The following FRMD4A variants were observed in gnomAD, a reference collection of about 807,000 sequenced individuals.
FRMD4A encodes FERM domain containing 4A.
Under a neutral mutation model 129.1 loss-of-function variants are expected in FRMD4A, and 29 were observed. That is an observed-to-expected ratio of 0.22 (90% confidence interval 0.17 to 0.31). FRMD4A has a LOEUF of 0.31. FRMD4A is among the 10% of genes least tolerant of loss of function. The pLI is 1.00. For synonymous variants in FRMD4A, 634 were observed against 571.6 expected (o/e 1.11, Z -1.56); for missense variants, 1,272 against 1,375.8 (o/e 0.92, Z 1.19).
At chr10:13,909,049 T>G (rs1169436948) in intron 2 of FRMD4A, among the ~76,000 whole-genome samples, 1 of 152,226 alleles carries the variant, frequency 6.6e-6, no homozygotes, top group Non-Finnish European at 1.5e-5. Flanking sequence ...TTCACTCTCT[T>G]ATTGTTTTTT....
intron 14 of FRMD4A, among the ~76,000 whole-genome samples, chr10:13,697,439 C>A (rs911024064): frequency 6.6e-6 from 1 of 152,132 alleles, no homozygotes; most frequent in East Asian, 1.9e-4. Flanking sequence ...TGAGCCACTG[C>A]GCCCGGTCCG....
At chr10:13,873,243 TA>T (rs1176916852) in intron 2 of FRMD4A, among the ~76,000 whole-genome samples, 1 of 135,868 alleles carries the variant, frequency 7.4e-6, no homozygotes, top group East Asian at 2.1e-4. Flanking sequence ...AGACAGTTTT[TA>T]AAAGCCTAGA....
chr10:14,301,869 A>G (rs1846196382), intron 2 of FRMD4A, among the ~76,000 whole-genome samples: 1 of 152,150 alleles, frequency 6.6e-6, no homozygotes, highest in Non-Finnish European at 1.5e-5. Context: ...CCTGAAGAGT[A>G]GGCTGTATAA....
chr10:13,766,585 T>C (rs1312688842), intron 6 of FRMD4A, among the ~76,000 whole-genome samples: 1 of 152,222 alleles, frequency 6.6e-6, no homozygotes, highest in Non-Finnish European at 1.5e-5. Context: ...CAAAACGGTG[T>C]GGATAAGAAC....
At chr10:14,072,710 C>G (rs1206223668) in intron 2 of FRMD4A, among the ~76,000 whole-genome samples, 1 of 152,228 alleles carries the variant, frequency 6.6e-6, no homozygotes, top group East Asian at 1.9e-4. Flanking sequence ...AGAGAAGAAA[C>G]CACGCTAATA....
At chr10:13,698,676 G>A (rs2086475561) in intron 14 of FRMD4A, among the ~76,000 whole-genome samples, 1 of 152,204 alleles carries the variant, frequency 6.6e-6, no homozygotes, top group Non-Finnish European at 1.5e-5. Context: ...GGTGCCATCT[G>A]ACCAATCACT....
chr10:14,278,566 A>G (rs772724468), intron 2 of FRMD4A, among the ~76,000 whole-genome samples: 2 of 152,232 alleles, frequency 1.3e-5, no homozygotes, highest in Non-Finnish European at 2.9e-5. Flanking sequence ...CTTTGTTGAA[A>G]TAAATAAATA....
At chr10:13,979,357 T>C (rs2095552860) in intron 2 of FRMD4A, among the ~76,000 whole-genome samples, 1 of 152,122 alleles carries the variant, frequency 6.6e-6, no homozygotes, top group Admixed American at 6.6e-5. Context: ...TAGAGTCACT[T>C]CCTTTTCGCA....
At chr10:13,946,709 C>A (rs745978777) in intron 2 of FRMD4A, among the ~76,000 whole-genome samples, 1 of 152,182 alleles carries the variant, frequency 6.6e-6, no homozygotes, top group Non-Finnish European at 1.5e-5. Context: ...TGAAGACCAG[C>A]ATGGCCAGCC....
chr10:14,133,187 T>A (rs1297982972), intron 2 of FRMD4A, among the ~76,000 whole-genome samples: 1 of 152,148 alleles, frequency 6.6e-6, no homozygotes, highest in Non-Finnish European at 1.5e-5. Flanking sequence ...TTAGATGACA[T>A]TTTGCTAAAG....
At chr10:13,678,566 C>G (rs2084198160) in intron 15 of FRMD4A, among the ~76,000 whole-genome samples, 1 of 152,254 alleles carries the variant, frequency 6.6e-6, no homozygotes. Flanking sequence ...TAGGTCAACC[C>G]TCAAACTAGG....
At chr10:14,035,239 C>G (rs981753902) in intron 2 of FRMD4A, among the ~76,000 whole-genome samples, 3 of 151,648 alleles carry the variant, frequency 2.0e-5, no homozygotes, top group Non-Finnish European at 2.9e-5. Flanking sequence ...AAGGTGAAAC[C>G]CTGTTTCTCC....
intron 6 of FRMD4A, among the ~76,000 whole-genome samples, chr10:13,769,408 G>A (rs942514499): frequency 1.3e-5 from 2 of 152,086 alleles, no homozygotes; most frequent in East Asian, 1.9e-4. Context: ...TCCTGGGTTC[G>A]AGCGATTCTT....
chr10:13,657,420 G>T lies in FRMD4A; in HGVS notation c.2169C>A (p.Asn723Lys). ...TGTAGAAGTCGGGGCTCCCGGTGTC[G>T]TTTTCCGAGCCCAGGAGCTTGCCCT... Reference protein sequence around the residue: ...ESQGKLLGSENDTGSPDFYTP... With the variant: ...ESQGKLLGSEKDTGSPDFYTP... Residue 723 changes from asparagine to lysine, a missense_variant, in exon 22 of 25, where the codon AAC (asparagine) becomes AAA (lysine). By Grantham distance (94) the Asn-to-Lys change is moderately conservative. Coordinates refer to ENST00000357447, the MANE Select transcript of FRMD4A (RefSeq NM_018027.5). 6.2e-7 allele frequency: 1 copy of T among 1,608,006 alleles called. No homozygotes were observed. Among genetic ancestry groups the T allele is most frequent in the Non-Finnish European group, 8.5e-7 (1 of 1,178,006 alleles).
intron 2 of FRMD4A, among the ~76,000 whole-genome samples, chr10:13,868,595 G>C (rs1442749999): frequency 1.3e-5 from 2 of 152,140 alleles, no homozygotes; most frequent in Admixed American, 6.5e-5. Flanking sequence ...TTGAGCTCAG[G>C]AGTTTGAGAC....
chr10:13,840,239 A>G (rs1275788749), intron 3 of FRMD4A, among the ~76,000 whole-genome samples: 2 of 152,150 alleles, frequency 1.3e-5, no homozygotes, highest in Admixed American at 1.3e-4. Flanking sequence ...GAGTCCTTAT[A>G]GGACTGGGTC....
At chr10:13,649,976 G>A (rs1421358792) in intron 24 of FRMD4A, among the ~76,000 whole-genome samples, 1 of 152,202 alleles carries the variant, frequency 6.6e-6, no homozygotes, top group Non-Finnish European at 1.5e-5. Context: ...TTAGCCCTGG[G>A]CAGTCTGGGT....
intron 2 of FRMD4A, among the ~76,000 whole-genome samples, chr10:14,053,104 A>T (rs1834342375): frequency 3.9e-5 from 6 of 152,222 alleles, no homozygotes; most frequent in Non-Finnish European, 7.3e-5. Context: ...CTACGTGAGC[A>T]AACGTTTTGA....
chr10:14,280,287 T>C (rs932184188), intron 2 of FRMD4A, among the ~76,000 whole-genome samples: 1 of 152,050 alleles, frequency 6.6e-6, no homozygotes, highest in African/African-American at 2.4e-5. Context: ...TATTCCACTC[T>C]GACCCTGGCC....
Sources: gnomAD v4.1 joint callset for allele counts (sites outside exome capture counted in the v4.1 genomes callset) on GRCh38, gnomAD v4.1.1 for gene constraint, MANE v1.5 for transcripts, NCBI Gene and HGNC (gene_info 2026-07-23, HGNC 2026-07-21) for gene names.